CDC42BPA: variants seen among roughly 807,000 people sequenced by gnomAD.
The protein encoded by CDC42BPA is serine/threonine-protein kinase MRCK alpha.
Under a neutral mutation model 223.5 loss-of-function variants are expected in CDC42BPA, and 80 were observed. The ratio of observed to expected loss-of-function variants is 0.36; its 90% CI spans 0.30 to 0.43. The LOEUF (loss-of-function observed/expected upper bound fraction) is 0.43, where lower values mean the gene tolerates loss of function less well. CDC42BPA is among the 20% of genes least tolerant of loss of function. The probability of loss-of-function intolerance (pLI) is 1.00; values close to 1 mark genes in which losing one functional copy is unlikely to be tolerated. For synonymous variants in CDC42BPA, 694 were observed against 718.6 expected, an observed-to-expected ratio of 0.97 and a Z score of 0.55; for missense variants, 1,743 against 2,099.9, an observed-to-expected ratio of 0.83 and a Z score of 3.32.
At chr1:227,103,068 A>G (rs942877742) in intron 14 of CDC42BPA, among the ~76,000 whole-genome samples, 1 of 152,114 alleles carries the variant, frequency 6.6e-6, no homozygotes, top group Non-Finnish European at 1.5e-5. Context: ...AAATTCAGAA[A>G]TATCAACAAA....
intron 17 of CDC42BPA, among the ~76,000 whole-genome samples, chr1:227,075,576 A>T (rs985677774): frequency 1.3e-5 from 2 of 152,188 alleles, no homozygotes; most frequent in Non-Finnish European, 2.9e-5. Flanking sequence ...CCTGTTAAAG[A>T]AAAATGGTTT....
intron 2 of CDC42BPA, among the ~76,000 whole-genome samples, chr1:227,222,519 C>CAA (rs146295817): frequency 6.6e-6 from 1 of 150,928 alleles, no homozygotes; most frequent in Admixed American, 6.6e-5. Context: ...ACAACAACAA[C>CAA]AAAAAAACTA....
chr1:227,028,546 T>C (rs1558317797), intron 30 of CDC42BPA, 111 bp downstream of exon 30: 3 of 714,060 alleles, frequency 4.2e-6, no homozygotes, highest in Non-Finnish European at 6.8e-6. Flanking sequence ...GCATTAAGAA[T>C]GACTTTTTTA....
At chr1:227,289,678 T>C (rs1243609019) in intron 1 of CDC42BPA, among the ~76,000 whole-genome samples, 1 of 152,150 alleles carries the variant, frequency 6.6e-6, no homozygotes, top group Non-Finnish European at 1.5e-5. Flanking sequence ...GCAATAAATA[T>C]CTGTTAAAAT....
intron 11 of CDC42BPA, among the ~76,000 whole-genome samples, chr1:227,121,323 A>G (rs1688637854): frequency 6.6e-6 from 1 of 152,240 alleles, no homozygotes; most frequent in Admixed American, 6.5e-5. Context: ...TGCTTTCAAT[A>G]AATGAAGCAG....
At chr1:227,300,657 G>A (rs181150163) in intron 1 of CDC42BPA, among the ~76,000 whole-genome samples, 1 of 152,274 alleles carries the variant, frequency 6.6e-6, no homozygotes, top group African/African-American at 2.4e-5. Flanking sequence ...GTATAATGGA[G>A]GTGGAGACTC....
chr1:227,218,707 C>T (rs1675312554), intron 2 of CDC42BPA, among the ~76,000 whole-genome samples: 2 of 152,198 alleles, frequency 1.3e-5, no homozygotes, highest in Non-Finnish European at 2.9e-5. Context: ...ATTCATCATA[C>T]CTATAATTCT....
At chr1:227,124,622 C>T (rs1689223986) in intron 11 of CDC42BPA, among the ~76,000 whole-genome samples, 1 of 152,020 alleles carries the variant, frequency 6.6e-6, no homozygotes, top group African/African-American at 2.4e-5. Context: ...GGAAGTGGAG[C>T]ATCACTGGGT....
At chr1:227,093,433 A>T (rs2149256373) in intron 15 of CDC42BPA, among the ~76,000 whole-genome samples, 1 of 152,294 alleles carries the variant, frequency 6.6e-6, no homozygotes, top group East Asian at 1.9e-4. Context: ...AGCCCCTTTA[A>T]ATTAGCAGGG....
chr1:227,212,351 CATT>C (rs1019148928), intron 3 of CDC42BPA, among the ~76,000 whole-genome samples: 10 of 152,068 alleles, frequency 6.6e-5, no homozygotes, highest in Non-Finnish European at 1.2e-4. Context: ...GCGAATTTGT[CATT>C]ATTTTCTTAC....
At chr1:227,253,034 G>A (rs1427681790) in intron 2 of CDC42BPA, among the ~76,000 whole-genome samples, 3 of 152,114 alleles carry the variant, frequency 2.0e-5, no homozygotes, top group African/African-American at 4.8e-5. Context: ...CTACAAAACG[G>A]TATTGAGATA....
At chr1:226,995,030 C>CCTG in intron 35 of CDC42BPA, 50 bp from the exon 36 acceptor site, 1 of 1,534,958 alleles carries the variant, frequency 6.5e-7, no homozygotes, top group Non-Finnish European at 8.9e-7. Flanking sequence ...GGGGACAATA[C>CCTG]TCTAGAAAGC....
At chr1:227,250,994 A>C (rs1681902906) in intron 2 of CDC42BPA, among the ~76,000 whole-genome samples, 1 of 152,196 alleles carries the variant, frequency 6.6e-6, no homozygotes, top group Non-Finnish European at 1.5e-5. Flanking sequence ...TCAAGGCTGC[A>C]GTGAGCTATG....
intron 1 of CDC42BPA, among the ~76,000 whole-genome samples, chr1:227,266,486 T>G (rs1685021738): frequency 6.6e-6 from 1 of 152,214 alleles, no homozygotes; most frequent in African/African-American, 2.4e-5. Flanking sequence ...GTAATAAATG[T>G]TCTTGTGTTT....
In CDC42BPA at chr1:227,147,250, T is replaced by C. The variant is rs979724212; in HGVS notation, c.894+109A>G. 4.2e-6 allele frequency: 3 copies of C among 706,320 alleles called. No individual in the cohort carries two copies. In the South Asian group the frequency reaches 6.1e-5, roughly 14 times the overall value. The allele number at this position is 706,320 out of a possible 1,614,324, so 43.8% of individuals were successfully genotyped here. On this transcript the variant is annotated intron_variant, in intron 7 of 36. Transcript: ENST00000366766. ...TATGTTGTCCTGTCCCATACTAGGA[T>C]AGAAATGTGATTGTTCACTGTTTTT...
chr1:227,198,438 CAAAAA>C (rs1176604134), intron 4 of CDC42BPA, among the ~76,000 whole-genome samples: 3 of 51,540 alleles, frequency 5.8e-5, no homozygotes. Flanking sequence ...ATCCAGCAAA[CAAAAA>C]AAAAAAAAAG....
intron 32 of CDC42BPA, among the ~76,000 whole-genome samples, chr1:227,022,035 T>TA (rs34429155): frequency 1.9e-5 from 1 of 52,864 alleles, no homozygotes; most frequent in Non-Finnish European, 5.1e-5. Flanking sequence ...AAAAAAAAAA[T>TA]AAAATAAAAA....
chr1:227,235,453 T>G (rs1651155565), intron 2 of CDC42BPA: 1 of 152,124 alleles, frequency 6.6e-6, no homozygotes, highest in South Asian at 2.1e-4. Context: ...ATATAGCAAG[T>G]GGGGATGGGT....
At chr1:227,217,786 G>C (rs568314114) in intron 2 of CDC42BPA, among the ~76,000 whole-genome samples, 1 of 152,226 alleles carries the variant, frequency 6.6e-6, no homozygotes, top group East Asian at 1.9e-4. Flanking sequence ...TGCACTTGTT[G>C]ATCCCTAGGC....
Sources: gnomAD v4.1 joint callset for allele counts (sites outside exome capture counted in the v4.1 genomes callset) on GRCh38, gnomAD v4.1.1 for gene constraint, MANE v1.5 for transcripts, NCBI Gene and HGNC (gene_info 2026-07-23, HGNC 2026-07-21) for gene names.